INVS: variants seen among roughly 807,000 people sequenced by gnomAD.
The protein encoded by INVS is inversin.
In INVS, 86 loss-of-function variants were observed where a neutral mutation model predicts 108.8. The observed-to-expected ratio is 0.79, with a 90% CI of 0.66 to 0.95. The LOEUF is 0.95. Ranked by LOEUF, INVS falls within the 40% of genes least tolerant of loss-of-function variation. The probability of loss-of-function intolerance (pLI) is 0.00; values close to 1 mark genes in which losing one functional copy is unlikely to be tolerated. For synonymous variants in INVS, 455 were observed against 473.5 expected (o/e 0.96, Z 0.51); for missense variants, 1,169 against 1,297.4 (o/e 0.90, Z 1.52).
chr9:100,126,261 A>G (rs1248851230), intron 2 of INVS, 122 bp from the exon 3 acceptor site: 5 of 801,112 alleles, frequency 6.2e-6, no homozygotes, highest in South Asian at 1.6e-5. Flanking sequence ...TAGGACAAGT[A>G]AAAATAAGAT....
chr9:100,292,303 T>C (rs1423537082), intron 13 of INVS, 23 bp from the exon 14 acceptor site: 1 of 1,599,542 alleles, frequency 6.3e-7, no homozygotes, highest in Non-Finnish European at 8.6e-7. Context: ...TTTTGGACAA[T>C]ATTTTTTCTT....
At chr9:100,168,953 GA>G (rs997100094) in intron 3 of INVS, among the ~76,000 whole-genome samples, 2 of 152,120 alleles carry the variant, frequency 1.3e-5, no homozygotes, top group South Asian at 2.1e-4. Context: ...GAATGGAGGT[GA>G]AAAATGAAAC....
chr9:100,170,323 A>G lies in INVS; in HGVS notation c.273+43774A>G, dbSNP rs191372297. Among the ~76,000 whole-genome samples the G allele has an allele frequency of 2.5e-3, 383 of 151,954 alleles. 4 individuals are homozygous for G. Among genetic ancestry groups the G allele is most frequent in the Admixed American group, 0.023 (348 of 15,228 alleles). Reference sequence around the variant, plus strand: ...TATAATCCCAGCACTCTGGGAGACCAAGGCCAGAGGATCAGTTGAGCCCAG... The same window carrying G: ...TATAATCCCAGCACTCTGGGAGACCGAGGCCAGAGGATCAGTTGAGCCCAG... On this transcript the variant is annotated intron_variant, in intron 3 of 16. Coordinates refer to ENST00000262457, the MANE Select transcript of INVS (RefSeq NM_014425.5).
chr9:100,298,011 G>C lies in INVS; in HGVS notation c.3091+1G>C. Reference sequence around the variant, plus strand: ...TCTTCTGTGCTGCGTCTCAACTCAGGTAAGGCAGCCACTGCAAAGCAGATG... The same window carrying C: ...TCTTCTGTGCTGCGTCTCAACTCAGCTAAGGCAGCCACTGCAAAGCAGATG... On this transcript the variant is annotated splice_donor_variant, in intron 16 of 16. Coordinates refer to ENST00000262457, the MANE Select transcript of INVS (RefSeq NM_014425.5). LOFTEE classifies it high-confidence loss of function. 1 of 1,614,154 alleles carries C rather than the reference G, an allele frequency of 6.2e-7. No homozygotes were observed. The highest frequency in any genetic ancestry group is 1.3e-5 in the African/African-American group (1 of 75,074).
chr9:100,234,283 G>A (rs1297866512), intron 5 of INVS, among the ~76,000 whole-genome samples: 1 of 151,650 alleles, frequency 6.6e-6, no homozygotes, highest in East Asian at 1.9e-4. Context: ...TCTGGCTAGT[G>A]GTCTATTTTG....
At position 100,153,514 on chromosome 9, in the gene INVS, G is replaced by T. The variant is rs567072434; in HGVS notation, c.273+26965G>T. ...ATAACATGCTTCATGTCTCAGATTG[G>T]CAAAACTCCAAAAGTTTGACAACAT... On this transcript the variant is annotated intron_variant, in intron 3 of 16. Coordinates refer to ENST00000262457, the MANE Select transcript of INVS (RefSeq NM_014425.5). 2.0e-5 allele frequency among the ~76,000 whole-genome samples: 3 copies of T among 152,228 alleles called. 1 individual carries two copies. In the South Asian group the frequency reaches 6.2e-4, roughly 32 times the overall value.
At chr9:100,252,108 T>C (rs897310804) in intron 8 of INVS, among the ~76,000 whole-genome samples, 175 bp from the exon 9 acceptor site, 13 of 151,960 alleles carry the variant, frequency 8.6e-5, no homozygotes, top group Admixed American at 5.9e-4. Context: ...GTAATACATA[T>C]GAATAGGAAG....
intron 2 of INVS, among the ~76,000 whole-genome samples, chr9:100,119,291 G>A (rs989656048): frequency 6.6e-5 from 10 of 152,078 alleles, no homozygotes; most frequent in Admixed American, 6.5e-5. Context: ...ATTATTCTTA[G>A]TAGTACCTTA....
At chr9:100,159,926 C>G (rs1829115738) in intron 3 of INVS, among the ~76,000 whole-genome samples, 1 of 152,104 alleles carries the variant, frequency 6.6e-6, no homozygotes. Flanking sequence ...GAAAATGCTG[C>G]CCTGGACCAT....
At chr9:100,266,089 G>A (rs1832785291) in intron 11 of INVS, among the ~76,000 whole-genome samples, 2 of 151,920 alleles carry the variant, frequency 1.3e-5, no homozygotes, top group African/African-American at 4.8e-5. Context: ...AAAAAAAAAG[G>A]AACAAACAGA....
At chr9:100,280,085 CCTT>C (rs749511530) in intron 12 of INVS, among the ~76,000 whole-genome samples, 1 of 152,158 alleles carries the variant, frequency 6.6e-6, no homozygotes, top group Admixed American at 6.5e-5. Context: ...TGATCACTCA[CCTT>C]CTTTTTAGCC....
chr9:100,154,262 T>C lies in INVS; in HGVS notation c.273+27713T>C, dbSNP rs966325208. 1.1e-4 allele frequency among the ~76,000 whole-genome samples: 17 copies of C among 151,672 alleles called. No individual in the cohort carries two copies. The South Asian group carries it at 3.5e-3, about 32-fold the overall frequency. On this transcript the variant is annotated intron_variant, in intron 3 of 16. Transcript: ENST00000262457. Reference sequence around the variant, plus strand: ...CACTGCAATCTCGACATTTTTGGGCTTAGTGAATCATCCCACCTTAGGCTC... The same window carrying C: ...CACTGCAATCTCGACATTTTTGGGCCTAGTGAATCATCCCACCTTAGGCTC...
intron 3 of INVS, among the ~76,000 whole-genome samples, chr9:100,187,287 G>T (rs1374257261): frequency 1.3e-5 from 2 of 152,038 alleles, no homozygotes; most frequent in African/African-American, 4.8e-5. Context: ...GCAGGTAATT[G>T]TGATGCCTCC....
At chr9:100,100,648 AT>A (rs1826825199) in intron 1 of INVS, among the ~76,000 whole-genome samples, 1 of 54,970 alleles carries the variant, frequency 1.8e-5, no homozygotes, top group Non-Finnish European at 2.9e-5. Context: ...TTATATATGT[AT>A]ATATAATATA....
At chr9:100,254,023 G>T (rs944794410) in intron 10 of INVS, among the ~76,000 whole-genome samples, 1 of 152,092 alleles carries the variant, frequency 6.6e-6, no homozygotes, top group South Asian at 2.1e-4. Flanking sequence ...CTAGTTTACA[G>T]TCCCACCAAC....
In INVS at chr9:100,126,744, T is replaced by A. The variant is rs192781965; in HGVS notation, c.273+195T>A. Among the ~76,000 whole-genome samples the A allele has an allele frequency of 7.9e-5, 12 of 152,258 alleles. No homozygotes were observed. In the East Asian group the frequency reaches 1.9e-3, roughly 24 times the overall value. On this transcript the variant is annotated intron_variant, in intron 3 of 16. Transcript: ENST00000262457. ...TAACTATCAGCGGCTGCATTTCAGG[T>A]TCCTCAAACAGTAGAATTTATTCTG...
chr9:100,229,690 A>G lies in INVS; in HGVS notation c.478A>G (p.Asn160Asp), dbSNP rs147251525. The change falls in exon 5 of 17, where the codon AAT becomes GAT. Residue 160 changes from asparagine to aspartate, a missense_variant. Coordinates refer to ENST00000262457, the MANE Select transcript of INVS (RefSeq NM_014425.5). ...AGCTCTGCATTGGAGTGCCTACTAC[A>G]ATAACCCTGAGCATGTGAAGCTGCT... ...QTALHWSAYY[N>D]NPEHVKLLIK... is the part of the protein sequence containing the mutation. 11 of 1,614,006 alleles carry G rather than the reference A, an allele frequency of 6.8e-6. No homozygotes were observed. Among genetic ancestry groups the G allele is most frequent in the Non-Finnish European group, 9.3e-6 (11 of 1,180,000 alleles).
intron 3 of INVS, among the ~76,000 whole-genome samples, chr9:100,200,570 C>T (rs963330410): frequency 6.6e-6 from 1 of 152,104 alleles, no homozygotes; most frequent in African/African-American, 2.4e-5. Flanking sequence ...AAGGCATGGC[C>T]CTTCTGAGAT....
chr9:100,199,685 C>G (rs1830483443), intron 3 of INVS, among the ~76,000 whole-genome samples: 1 of 152,130 alleles, frequency 6.6e-6, no homozygotes, highest in Non-Finnish European at 1.5e-5. Context: ...ACCATCATCC[C>G]TGTTGTTCCT....
Sources: gnomAD v4.1 joint callset for allele counts (sites outside exome capture counted in the v4.1 genomes callset) on GRCh38, gnomAD v4.1.1 for gene constraint, MANE v1.5 for transcripts, NCBI Gene and HGNC (gene_info 2026-07-23, HGNC 2026-07-21) for gene names.